The following NPEPPS variants were observed in gnomAD, a reference collection of about 807,000 sequenced individuals.
NPEPPS encodes the protein aminopeptidase puromycin sensitive.
In NPEPPS, 14 loss-of-function variants were observed where a neutral mutation model predicts 115.5. The observed-to-expected ratio is 0.12, with a 90% CI of 0.08 to 0.19. The LOEUF (loss-of-function observed/expected upper bound fraction) is 0.19. Ranked by LOEUF, NPEPPS falls within the 10% of genes least tolerant of loss-of-function variation. The probability of loss-of-function intolerance (pLI) is 1.00; values close to 1 mark genes in which losing one functional copy is unlikely to be tolerated. For missense variants in NPEPPS, 523 were observed against 1,110.8 expected, an observed-to-expected ratio of 0.47 and a Z score of 7.52; for synonymous variants, 285 against 390.6, an observed-to-expected ratio of 0.73 and a Z score of 3.19.
intron 2 of NPEPPS, among the ~76,000 whole-genome samples, chr17:47,549,852 A>G (rs1909510825): frequency 6.6e-6 from 1 of 150,506 alleles, no homozygotes; most frequent in Non-Finnish European, 1.5e-5. Context: ...GTATGTGTAT[A>G]TATATATATA....
chr17:47,552,596 A>G (rs1272404233), intron 2 of NPEPPS, among the ~76,000 whole-genome samples: 1 of 152,082 alleles, frequency 6.6e-6, no homozygotes, highest in Admixed American at 6.6e-5. Context: ...AATAGTTTTA[A>G]ATTTTGTCTT....
chr17:47,539,817 C>T (rs2143689080), intron 1 of NPEPPS, among the ~76,000 whole-genome samples: 1 of 152,196 alleles, frequency 6.6e-6, no homozygotes, highest in East Asian at 1.9e-4. Flanking sequence ...TAATTATCTG[C>T]TTCTTCTTGT....
chr17:47,595,175 C>T (rs1912786538), intron 12 of NPEPPS, among the ~76,000 whole-genome samples: 2 of 152,184 alleles, frequency 1.3e-5, no homozygotes, highest in Admixed American at 1.3e-4. Context: ...AGGTGACGTG[C>T]CCACCTCGGC....
At chr17:47,615,377 G>C (rs1914139844) in intron 19 of NPEPPS, among the ~76,000 whole-genome samples, 1 of 152,070 alleles carries the variant, frequency 6.6e-6, no homozygotes, top group African/African-American at 2.4e-5. Context: ...TGTCTGGCCT[G>C]CTTTCTAAGA....
chr17:47,595,815 C>A, intron 12 of NPEPPS, among the ~76,000 whole-genome samples: 1 of 151,938 alleles, frequency 6.6e-6, no homozygotes, highest in South Asian at 2.1e-4. Context: ...AACTCCATCT[C>A]TACTAAAAAT....
chr17:47,576,409 T>A (rs1244900166), intron 3 of NPEPPS, among the ~76,000 whole-genome samples: 1 of 152,194 alleles, frequency 6.6e-6, no homozygotes, highest in Non-Finnish European at 1.5e-5. Context: ...GGAGAATTGC[T>A]TGAACCCGGG....
rs1416164457 is a variant in NPEPPS, at chr17:47,569,427, T to C, written c.351T>C (p.Ala117=). ...TTTTTCTCATTCCAGAAATACATGCTACAGGATTTAACTATCAGAATGAAG... is the reference window on the plus strand; with the variant it reads ...TTTTTCTCATTCCAGAAATACATGCCACAGGATTTAACTATCAGAATGAAG... ...YAPEGDEEIH[A]TGFNYQNEDE... Residue 117 remains alanine, a synonymous_variant, in exon 3 of 23, where the codon GCT becomes GCC. Coordinates refer to ENST00000322157, the MANE Select transcript of NPEPPS (RefSeq NM_006310.4). 3.2e-6 allele frequency: 5 copies of C among 1,542,856 alleles called. No individual in the cohort carries two copies. In the East Asian group the frequency reaches 1.1e-4, roughly 35 times the overall value.
intron 19 of NPEPPS, among the ~76,000 whole-genome samples, chr17:47,614,428 A>T (rs1188795716): frequency 6.6e-6 from 1 of 152,200 alleles, no homozygotes; most frequent in Non-Finnish European, 1.5e-5. Flanking sequence ...TGCTTAGAAA[A>T]GGGATAGACA....
intron 2 of NPEPPS, among the ~76,000 whole-genome samples, chr17:47,550,630 A>AT (rs1284921299): frequency 8.4e-4 from 96 of 114,274 alleles, no homozygotes; most frequent in Middle Eastern, 4.9e-3. Flanking sequence ...ATATATATAT[A>AT]ATTTTTTTTT....
At chr17:47,592,621 G>A in intron 12 of NPEPPS, 76 bp downstream of exon 12, 5 of 1,295,700 alleles carry the variant, frequency 3.9e-6, no homozygotes, top group East Asian at 2.6e-5. Context: ...TTTTATTTTT[G>A]TTCTGAATAC....
At chr17:47,523,734 T>A (rs1471342858) in intron 1 of NPEPPS, among the ~76,000 whole-genome samples, 1 of 152,138 alleles carries the variant, frequency 6.6e-6, no homozygotes, top group Non-Finnish European at 1.5e-5. Context: ...AATAATAGGC[T>A]TTTTAAGAAA....
intron 2 of NPEPPS, among the ~76,000 whole-genome samples, chr17:47,555,610 G>A (rs1223327872): frequency 6.6e-6 from 1 of 151,668 alleles, no homozygotes; most frequent in African/African-American, 2.4e-5. Context: ...GCCTCCCGCA[G>A]TGCTGGGATT....
At chr17:47,556,801 G>A (rs1453553839) in intron 2 of NPEPPS, among the ~76,000 whole-genome samples, 4 of 152,090 alleles carry the variant, frequency 2.6e-5, no homozygotes, top group Admixed American at 6.5e-5. Flanking sequence ...AGGCCACCAC[G>A]CCCGGCTAAT....
intron 5 of NPEPPS, among the ~76,000 whole-genome samples, chr17:47,583,492 G>A (rs1912009943): frequency 2.0e-5 from 3 of 151,974 alleles, no homozygotes. Context: ...GGCCGAGGTG[G>A]GAGGATCACT....
At position 47,551,104 on chromosome 17, in the gene NPEPPS, T is replaced by C. The variant is rs548613021; in HGVS notation, c.340+5111T>C. 5.3e-5 allele frequency among the ~76,000 whole-genome samples: 8 copies of C among 152,322 alleles called. No individual in the cohort carries two copies. The East Asian group carries it at 1.2e-3, about 22-fold the overall frequency. ...TCAATGGAACTTTACTCTGAAGATATACTCTTCCATTTAAATACTAGTTCC... is the reference window on the plus strand; with the variant it reads ...TCAATGGAACTTTACTCTGAAGATACACTCTTCCATTTAAATACTAGTTCC... On this transcript the variant is annotated intron_variant, in intron 2 of 22. Coordinates refer to ENST00000322157, the MANE Select transcript of NPEPPS (RefSeq NM_006310.4).
At chr17:47,610,621 A>T (rs1913795971) in intron 17 of NPEPPS, among the ~76,000 whole-genome samples, 1 of 151,788 alleles carries the variant, frequency 6.6e-6, no homozygotes, top group South Asian at 2.1e-4. Flanking sequence ...TGACCTCGTG[A>T]TCTGCCTGCC....
At chr17:47,545,173 T>TA (rs1909106910) in intron 1 of NPEPPS, among the ~76,000 whole-genome samples, 1 of 152,078 alleles carries the variant, frequency 6.6e-6, no homozygotes, top group Non-Finnish European at 1.5e-5. Flanking sequence ...CCCACCTAAT[T>TA]AAAAAAATTT....
intron 1 of NPEPPS, among the ~76,000 whole-genome samples, chr17:47,531,907 G>A (rs1009469663): frequency 3.3e-5 from 5 of 152,182 alleles, no homozygotes; most frequent in African/African-American, 1.2e-4. Context: ...ATAGTGTTCC[G>A]GGGGAGGCTG....
intron 17 of NPEPPS, among the ~76,000 whole-genome samples, chr17:47,607,493 A>G (rs1234080738): frequency 6.6e-6 from 1 of 152,244 alleles, no homozygotes; most frequent in Non-Finnish European, 1.5e-5. Context: ...CCTGTTTGCT[A>G]CAGTGAGAAG....
Sources: gnomAD v4.1 joint callset for allele counts (sites outside exome capture counted in the v4.1 genomes callset) on GRCh38, gnomAD v4.1.1 for gene constraint, MANE v1.5 for transcripts, NCBI Gene and HGNC (gene_info 2026-07-23, HGNC 2026-07-21) for gene names.